DIAPH2: variants seen among roughly 807,000 people sequenced by gnomAD.
The protein encoded by DIAPH2 is diaphanous related formin 2.
DIAPH2 carries 35 observed loss-of-function variants against 92.7 expected under a neutral mutation model. That is an observed-to-expected ratio of 0.38 (90% confidence interval 0.29 to 0.50). The LOEUF is 0.50. DIAPH2 is among the 20% of genes least tolerant of loss of function. The pLI, the probability that DIAPH2 is intolerant of heterozygous loss-of-function variation, is 0.94. For synonymous variants in DIAPH2, 301 were observed against 280.4 expected, an observed-to-expected ratio of 1.07 and a Z score of -0.73; for missense variants, 701 against 819.5, an observed-to-expected ratio of 0.86 and a Z score of 1.77.
intron 4 of DIAPH2, among the ~76,000 whole-genome samples, chrX:96,780,952 G>A (rs1026805620): frequency 1.8e-5 from 2 of 108,453 alleles, no homozygotes; most frequent in Admixed American, 1.0e-4. Context: ...GATTATAGGC[G>A]CCCACCACCA....
intron 22 of DIAPH2, among the ~76,000 whole-genome samples, chrX:97,174,965 C>T (rs976011200): frequency 9.0e-6 from 1 of 111,267 alleles, no homozygotes; most frequent in Non-Finnish European, 1.9e-5. Context: ...TACTAGCATG[C>T]ATTTCTATAA....
intron 4 of DIAPH2, among the ~76,000 whole-genome samples, chrX:96,765,490 C>T (rs767881979): frequency 1.8e-5 from 2 of 111,431 alleles, no homozygotes; most frequent in Non-Finnish European, 1.9e-5. Context: ...TGAGCCACCA[C>T]GTCCGGTCCA....
chrX:97,106,187 T>C (rs2066939555), intron 20 of DIAPH2, among the ~76,000 whole-genome samples: 1 of 112,121 alleles, frequency 8.9e-6, no homozygotes, highest in South Asian at 3.7e-4. Context: ...TGCATTTTTC[T>C]TTATTTTATA....
chrX:97,468,144 C>A (rs2070530440), intron 26 of DIAPH2, among the ~76,000 whole-genome samples: 1 of 111,863 alleles, frequency 8.9e-6, no homozygotes, highest in Admixed American at 9.5e-5. Flanking sequence ...TCCCTTCTGC[C>A]ATCATATCGT....
intron 23 of DIAPH2, among the ~76,000 whole-genome samples, chrX:97,300,957 AAAAAAAAAGAAG>A (rs2068696292): frequency 8.0e-5 from 5 of 62,317 alleles, no homozygotes; most frequent in African/African-American, 2.1e-4. Flanking sequence ...AAAAAAAAAA[AAAAAAAAAGAAG>A]AAGAAGAATG....
At chrX:97,215,807 A>G (rs954308762) in intron 22 of DIAPH2, among the ~76,000 whole-genome samples, 3 of 112,292 alleles carry the variant, frequency 2.7e-5, no homozygotes, top group African/African-American at 9.7e-5. Context: ...TATCGTTCAT[A>G]CACTTACAGA....
chrX:96,898,713 A>G (rs1439942650), intron 5 of DIAPH2, among the ~76,000 whole-genome samples: 1 of 106,621 alleles, frequency 9.4e-6, no homozygotes, highest in Non-Finnish European at 1.9e-5. Context: ...TTTGCTGTGC[A>G]GAAGCTCTTT....
chrX:97,282,597 C>A lies in DIAPH2; in HGVS notation c.2844+34758C>A, dbSNP rs764711216. Among the ~76,000 whole-genome samples, 15 of 112,091 alleles carry A rather than the reference C, an allele frequency of 1.3e-4. No homozygotes were observed. The South Asian group carries it at 5.2e-3, about 39-fold the overall frequency. ...GTGCTGGGATTACAGGCATGAGCCA[C>A]CATGCCTGGCCTTTAGTGCATTTTT... On this transcript the variant is annotated intron_variant, in intron 23 of 26. Coordinates refer to ENST00000324765, the MANE Select transcript of DIAPH2 (RefSeq NM_006729.5).
chrX:96,924,079 A>T (rs2065563939), intron 9 of DIAPH2, among the ~76,000 whole-genome samples: 1 of 111,777 alleles, frequency 8.9e-6, no homozygotes, highest in Non-Finnish European at 1.9e-5. Flanking sequence ...CCATTAATGT[A>T]CTCAGACCAT....
intron 23 of DIAPH2, among the ~76,000 whole-genome samples, chrX:97,285,356 G>C (rs2068531934): frequency 1.1e-5 from 1 of 91,531 alleles, no homozygotes; most frequent in Non-Finnish European, 2.1e-5. Flanking sequence ...TGACCAACAT[G>C]GTGAAACCCC....
At chrX:97,090,002 AC>A (rs1299612542) in intron 19 of DIAPH2, among the ~76,000 whole-genome samples, 1 of 112,447 alleles carries the variant, frequency 8.9e-6, no homozygotes, top group Non-Finnish European at 1.9e-5. Context: ...TGCTGGGATT[AC>A]AGGCGTGAGC....
intron 22 of DIAPH2, among the ~76,000 whole-genome samples, chrX:97,164,927 C>CTT (rs1445426002): frequency 4.4e-5 from 5 of 112,422 alleles, no homozygotes; most frequent in Non-Finnish European, 7.5e-5. Flanking sequence ...AAAACTGCAA[C>CTT]AGAAGACCAA....
At chrX:96,747,866 AT>A (rs930418636) in intron 3 of DIAPH2, among the ~76,000 whole-genome samples, 2 of 112,428 alleles carry the variant, frequency 1.8e-5, no homozygotes, top group African/African-American at 6.4e-5. Flanking sequence ...ATAATAAGCC[AT>A]GGAAATAGTT....
chrX:97,220,206 C>T (rs897006879), intron 22 of DIAPH2, among the ~76,000 whole-genome samples: 1 of 110,343 alleles, frequency 9.1e-6, no homozygotes, highest in African/African-American at 3.3e-5. Flanking sequence ...TAGTTCAGTT[C>T]AGGCCTGACT....
intron 22 of DIAPH2, among the ~76,000 whole-genome samples, chrX:97,186,991 C>T (rs1238301655): frequency 8.9e-6 from 1 of 111,850 alleles, no homozygotes; most frequent in Non-Finnish European, 1.9e-5. Context: ...TCTCTTAATT[C>T]CTGTTTCTAG....
At chrX:97,545,071 C>A in intron 26 of DIAPH2, among the ~76,000 whole-genome samples, 1 of 110,608 alleles carries the variant, frequency 9.0e-6, no homozygotes, top group Non-Finnish European at 1.9e-5. Context: ...CTACTCCTCT[C>A]ATCTACCCTT....
intron 21 of DIAPH2, among the ~76,000 whole-genome samples, chrX:97,128,282 A>G (rs1011337745): frequency 9.0e-6 from 1 of 110,633 alleles, no homozygotes; most frequent in African/African-American, 3.3e-5. Flanking sequence ...ACATTTGTAA[A>G]TTGTCATGGC....
intron 1 of DIAPH2, among the ~76,000 whole-genome samples, chrX:96,687,928 A>G (rs371026927): frequency 1.7e-4 from 19 of 111,654 alleles, no homozygotes; most frequent in East Asian, 5.6e-4. Context: ...TTTGGATTTT[A>G]TGTAACTATT....
chrX:97,188,099 C>T (rs1026595197), intron 22 of DIAPH2, among the ~76,000 whole-genome samples: 3 of 111,519 alleles, frequency 2.7e-5, no homozygotes, highest in Non-Finnish European at 5.6e-5. Flanking sequence ...GAGTAGAAGA[C>T]GAAGATTGCA....
Sources: gnomAD v4.1 joint callset for allele counts (sites outside exome capture counted in the v4.1 genomes callset) on GRCh38, gnomAD v4.1.1 for gene constraint, MANE v1.5 for transcripts, NCBI Gene and HGNC (gene_info 2026-07-23, HGNC 2026-07-21) for gene names.